IMMP2L: variants seen among roughly 807,000 people sequenced by gnomAD.
IMMP2L encodes the protein mitochondrial inner membrane protease subunit 2.
A neutral mutation model predicts 19.3 loss-of-function variants in IMMP2L; 18 were observed. The ratio of observed to expected loss-of-function variants is 0.93; its 90% CI spans 0.64 to 1.38. The LOEUF is 1.38. IMMP2L is among the 40% of genes most tolerant of loss of function. The pLI is 0.00. For synonymous variants in IMMP2L, 76 were observed against 73.0 expected (o/e 1.04, Z -0.21); for missense variants, 233 against 218.2 (o/e 1.07, Z -0.43).
intron 5 of IMMP2L, among the ~76,000 whole-genome samples, chr7:110,866,391 C>T (rs1029635549): frequency 6.6e-6 from 1 of 151,636 alleles, no homozygotes; most frequent in East Asian, 2.0e-4. Flanking sequence ...AGGGAAGAGG[C>T]AAGCAGAAGG....
At chr7:111,095,277 A>G (rs765189600) in intron 3 of IMMP2L, among the ~76,000 whole-genome samples, 90 of 151,978 alleles carry the variant, frequency 5.9e-4, no homozygotes, top group Non-Finnish European at 1.1e-3. Flanking sequence ...ATAATGTAAT[A>G]CATTATACTT....
At position 111,538,159 on chromosome 7, in the gene IMMP2L, G is replaced by A. The variant is rs1338301877; in HGVS notation, c.-2-16710C>T. Among the ~76,000 whole-genome samples, 3 of 151,900 alleles carry A rather than the reference G, an allele frequency of 2.0e-5. No homozygotes were observed. In the East Asian group the frequency reaches 5.8e-4, roughly 29 times the overall value. Reference sequence around the variant, plus strand: ...CCCTAATCAGTTGTGAGTTCTGCGCGAGCAGAAACACTTGTTCACTACTAT... The same window carrying A: ...CCCTAATCAGTTGTGAGTTCTGCGCAAGCAGAAACACTTGTTCACTACTAT... On this transcript the variant is annotated intron_variant, in intron 1 of 5. Coordinates refer to ENST00000405709, the MANE Select transcript of IMMP2L (RefSeq NM_032549.4).
In IMMP2L at chr7:110,877,783, C is replaced by G. The variant is rs1424779106; in HGVS notation, c.408+8810G>C. ...CATGGGTCCCTATGCCAATCAAGATCTGGCATTCAGCACTAGCAAAGTGTG... is the reference window on the plus strand; with the variant it reads ...CATGGGTCCCTATGCCAATCAAGATGTGGCATTCAGCACTAGCAAAGTGTG... On this transcript the variant is annotated intron_variant, in intron 5 of 5. Coordinates refer to ENST00000405709, the MANE Select transcript of IMMP2L (RefSeq NM_032549.4). The surrounding 1 kb of genome is among the most constrained non-coding windows in gnomAD (Gnocchi z 4.0). 6.6e-6 allele frequency among the ~76,000 whole-genome samples: 1 copy of G among 152,114 alleles called. No homozygotes were observed. The highest frequency in any genetic ancestry group is 1.5e-5 in the Non-Finnish European group (1 of 68,006).
intron 3 of IMMP2L, among the ~76,000 whole-genome samples, chr7:111,169,570 T>C (rs781434581): frequency 6.6e-6 from 1 of 151,894 alleles, no homozygotes; most frequent in Non-Finnish European, 1.5e-5. Context: ...TGACAATCTT[T>C]GGTGTTCCTT....
At chr7:111,042,075 A>T (rs1791951384) in intron 3 of IMMP2L, among the ~76,000 whole-genome samples, 1 of 152,248 alleles carries the variant, frequency 6.6e-6, no homozygotes. Context: ...AATAAGTAAC[A>T]CTATAATTTA....
chr7:111,043,326 T>C (rs1792077595), intron 3 of IMMP2L, among the ~76,000 whole-genome samples: 1 of 152,248 alleles, frequency 6.6e-6, no homozygotes, highest in South Asian at 2.1e-4. Flanking sequence ...GGTATTATAA[T>C]TAACTCAGCC....
intron 3 of IMMP2L, among the ~76,000 whole-genome samples, chr7:111,376,151 G>A (rs935947059): frequency 1.3e-5 from 2 of 151,900 alleles, no homozygotes; most frequent in African/African-American, 2.4e-5. Flanking sequence ...GTTACATAAC[G>A]CACACTCAAA....
chr7:111,291,861 A>G (rs1462751841), intron 3 of IMMP2L, among the ~76,000 whole-genome samples: 2 of 152,328 alleles, frequency 1.3e-5, no homozygotes, highest in Middle Eastern at 3.4e-3. Context: ...TATTGTACCC[A>G]TAAATATGTA....
intron 1 of IMMP2L, among the ~76,000 whole-genome samples, chr7:111,537,527 CTTTTTTTT>C (rs5886594): frequency 1.3e-5 from 1 of 78,554 alleles, no homozygotes; most frequent in African/African-American, 5.7e-5. Flanking sequence ...ATCACTTCCA[CTTTTTTTT>C]TTTTTTTTTT....
chr7:110,758,916 A>T lies in IMMP2L; in HGVS notation c.409-95195T>A, dbSNP rs115330075. ...AGAGAAAAAAATGAAAAGTGCTTAT[A>T]GACAGAGACGTCTAGAAATGACCAG... On this transcript the variant is annotated intron_variant, in intron 5 of 5. Coordinates refer to ENST00000405709, the MANE Select transcript of IMMP2L (RefSeq NM_032549.4). This position sits in a 1 kb window ranked among gnomAD's most constrained non-coding sequence, Gnocchi z 4.6. Among the ~76,000 whole-genome samples, 806 of 152,272 alleles carry T rather than the reference A, an allele frequency of 5.3e-3. 4 individuals carry two copies. Among genetic ancestry groups the T allele is most frequent in the African/African-American group, 0.018 (766 of 41,572 alleles).
intron 1 of IMMP2L, among the ~76,000 whole-genome samples, chr7:111,550,495 C>T (rs532496930): frequency 5.9e-5 from 9 of 152,174 alleles, no homozygotes; most frequent in African/African-American, 1.2e-4. Flanking sequence ...TTGTAGCAAA[C>T]GTACCATTCT....
At position 110,663,643 on chromosome 7, in the gene IMMP2L, G is replaced by C. The variant is rs1027091447; in HGVS notation, c.487C>G (p.Leu163Val). ...TGTACTGGTAAGCGCTCTGGAGGAA[G>C]AACAGATTCCAATTTCTGCCAGCGC... Reference protein sequence around the residue: ...PERWQKLESVLPPERLPVQRE... With the variant: ...PERWQKLESVVPPERLPVQRE... The change falls in exon 6 of 6, where the codon CTT becomes GTT. Residue 163 changes from leucine to valine, a missense_variant. Coordinates refer to ENST00000405709, the MANE Select transcript of IMMP2L (RefSeq NM_032549.4). 6.2e-7 allele frequency: 1 copy of C among 1,612,080 alleles called. No individual in the cohort carries two copies. The highest frequency in any genetic ancestry group is 1.3e-5 in the African/African-American group (1 of 74,940).
intron 5 of IMMP2L, among the ~76,000 whole-genome samples, chr7:110,762,451 G>A (rs188895028): frequency 1.4e-3 from 213 of 152,064 alleles, no homozygotes; most frequent in African/African-American, 4.9e-3. Context: ...TGTGTATAAC[G>A]AACATGTTCA....
At chr7:110,737,080 C>T (rs922764817) in intron 5 of IMMP2L, among the ~76,000 whole-genome samples, 3 of 152,124 alleles carry the variant, frequency 2.0e-5, no homozygotes, top group Non-Finnish European at 2.9e-5. Context: ...CTTGCAGCTG[C>T]CACTTGGATG....
At chr7:110,789,564 TAGAA>T (rs1562976346) in intron 5 of IMMP2L, among the ~76,000 whole-genome samples, 1 of 151,724 alleles carries the variant, frequency 6.6e-6, no homozygotes. Flanking sequence ...CTCAACACAA[TAGAA>T]AGAGTACTTC....
chr7:110,818,147 A>C (rs1802701855), intron 5 of IMMP2L, among the ~76,000 whole-genome samples: 1 of 152,178 alleles, frequency 6.6e-6, no homozygotes, highest in Non-Finnish European at 1.5e-5. Flanking sequence ...TCTGCACAGC[A>C]AAAGAAACTA....
chr7:111,297,051 G>T (rs1349124449), intron 3 of IMMP2L, among the ~76,000 whole-genome samples: 1 of 151,976 alleles, frequency 6.6e-6, no homozygotes, highest in African/African-American at 2.4e-5. Context: ...AGGAAATGGA[G>T]AAAAGGGAGC....
intron 2 of IMMP2L, among the ~76,000 whole-genome samples, chr7:111,501,762 G>C (rs895273331): frequency 4.6e-5 from 7 of 152,026 alleles, no homozygotes; most frequent in African/African-American, 7.2e-5. Flanking sequence ...ACTTTACAGA[G>C]ATGCACATGC....
chr7:111,006,113 T>A (rs533337180), intron 3 of IMMP2L, among the ~76,000 whole-genome samples: 5 of 152,286 alleles, frequency 3.3e-5, no homozygotes, highest in Admixed American at 3.3e-4. Flanking sequence ...TAAATTATGC[T>A]TACATCTCCC....
Sources: allele counts gnomAD v4.1 joint callset (sites outside exome capture counted in the v4.1 genomes callset), GRCh38; gene constraint gnomAD v4.1.1; non-coding constraint Gnocchi (gnomAD v3.1); transcripts MANE v1.5; gene names NCBI Gene and HGNC (gene_info 2026-07-23, HGNC 2026-07-21).